Variants in MYL4 observed in about 807,000 individuals in gnomAD.
The protein encoded by MYL4 is atrial myosin light chain 1.
Under a neutral mutation model 21.6 loss-of-function variants are expected in MYL4, and 16 were observed. The observed-to-expected ratio is 0.74, with a 90% CI of 0.50 to 1.12. The LOEUF (loss-of-function observed/expected upper bound fraction) is 1.12. MYL4 is among the 50% of genes most tolerant of loss of function. MYL4 has a pLI of 0.00. For synonymous variants in MYL4, 82 were observed against 95.7 expected (o/e 0.86, Z 0.83); for missense variants, 249 against 252.9 (o/e 0.98, Z 0.11).
At chr17:47,220,758 T>C (rs1012209473) in intron 3 of MYL4, among the ~76,000 whole-genome samples, 1 of 152,210 alleles carries the variant, frequency 6.6e-6, no homozygotes, top group East Asian at 1.9e-4. Context: ...TGTTTGTGAA[T>C]GTTGTCTGTC....
upstream of MYL4, among the ~76,000 whole-genome samples, chr17:47,207,123 G>C (rs73327187): frequency 6.6e-6 from 1 of 152,122 alleles, no homozygotes; most frequent in Admixed American, 6.5e-5. Context: ...CAGAGCAAAG[G>C]AGCCACCATC....
At chr17:47,226,783 T>C (rs887414844), downstream of MYL4, among the ~76,000 whole-genome samples, 21 of 152,214 alleles carry the variant, frequency 1.4e-4, no homozygotes, top group African/African-American at 5.1e-4. Flanking sequence ...CCTCTACACA[T>C]GGTCTAAGAT....
chr17:47,218,644 G>A (rs1266026755), intron 2 of MYL4, among the ~76,000 whole-genome samples: 2 of 152,108 alleles, frequency 1.3e-5, no homozygotes, highest in Non-Finnish European at 2.9e-5. Flanking sequence ...AATTAGCCAG[G>A]TGTCGTGGTG....
chr17:47,195,625 A>C (rs1008980791), upstream of MYL4, among the ~76,000 whole-genome samples: 4 of 152,094 alleles, frequency 2.6e-5, no homozygotes, highest in East Asian at 7.7e-4. Flanking sequence ...TCCCAAAATC[A>C]CCCACTCTCT....
At chr17:47,227,260 C>A (rs572491383), downstream of MYL4, among the ~76,000 whole-genome samples, 2 of 152,372 alleles carry the variant, frequency 1.3e-5, no homozygotes, top group African/African-American at 4.8e-5. Flanking sequence ...AGACTCTTGT[C>A]CTCCTAGTCA....
At chr17:47,205,383 G>A (rs964676656), upstream of MYL4, among the ~76,000 whole-genome samples, 8 of 151,016 alleles carry the variant, frequency 5.3e-5, no homozygotes, top group Non-Finnish European at 7.4e-5. Flanking sequence ...GCAAGTCTGT[G>A]TCATAGGCCC....
chr17:47,220,699 C>G (rs1477622071), intron 3 of MYL4, among the ~76,000 whole-genome samples: 1 of 152,054 alleles, frequency 6.6e-6, no homozygotes, highest in African/African-American at 2.4e-5. Context: ...TGAGCTGTGC[C>G]TCTGTCAATC....
upstream of MYL4, among the ~76,000 whole-genome samples, chr17:47,204,492 T>C (rs2064720091): frequency 6.6e-6 from 1 of 152,216 alleles, no homozygotes; most frequent in South Asian, 2.1e-4. Flanking sequence ...ATGTGCCACC[T>C]GTATTAACTC....
At chr17:47,211,171 A>AC (rs2064771951) in intron 1 of MYL4, among the ~76,000 whole-genome samples, 1 of 152,122 alleles carries the variant, frequency 6.6e-6, no homozygotes, top group Non-Finnish European at 1.5e-5. Flanking sequence ...TAGAAAAAAA[A>AC]TAGGTATCTT....
chr17:47,207,546 T>C (rs2149039841), upstream of MYL4, among the ~76,000 whole-genome samples: 1 of 152,258 alleles, frequency 6.6e-6, no homozygotes, highest in South Asian at 2.1e-4. Flanking sequence ...ATTGCAGGCT[T>C]AGGAGCTAAC....
At chr17:47,226,178 T>A (rs1188295629), downstream of MYL4, among the ~76,000 whole-genome samples, 2 of 152,188 alleles carry the variant, frequency 1.3e-5, no homozygotes, top group African/African-American at 4.8e-5. Context: ...CACATAAGTA[T>A]CCAGGGATAA....
At chr17:47,196,862 TTATAAAA>T (rs1454869091), upstream of MYL4, among the ~76,000 whole-genome samples, 9 of 152,118 alleles carry the variant, frequency 5.9e-5, no homozygotes, top group Non-Finnish European at 1.5e-5. Flanking sequence ...TGCACAAATA[TTATAAAA>T]TATATAAATA....
downstream of MYL4, among the ~76,000 whole-genome samples, chr17:47,224,432 G>A (rs949197921): frequency 5.9e-5 from 9 of 152,184 alleles, no homozygotes; most frequent in East Asian, 3.8e-4. Flanking sequence ...AATTCAAGAT[G>A]AGATTTGAGT....
At chr17:47,206,452 G>A (rs866349173), upstream of MYL4, among the ~76,000 whole-genome samples, 6 of 152,144 alleles carry the variant, frequency 3.9e-5, no homozygotes, top group Admixed American at 1.3e-4. Context: ...TTGTGTGTGC[G>A]TGTGTGTTTT....
At chr17:47,189,975 GA>G in the MYL4 span, among the ~76,000 whole-genome samples, 6 of 151,738 alleles carry the variant, frequency 4.0e-5, no homozygotes, top group Admixed American at 6.6e-5. Flanking sequence ...TCTATGGAAG[GA>G]AAAAAAAGTT....
chr17:47,207,817 C>G (rs1187911601), upstream of MYL4, among the ~76,000 whole-genome samples: 1 of 152,066 alleles, frequency 6.6e-6, no homozygotes, highest in African/African-American at 2.4e-5. Context: ...TCCATTAATA[C>G]AGGAAGTGAA....
At chr17:47,208,306 C>T (rs891696186), upstream of MYL4, among the ~76,000 whole-genome samples, 1 of 152,080 alleles carries the variant, frequency 6.6e-6, no homozygotes, top group East Asian at 1.9e-4. Context: ...TGCTGGTGTG[C>T]ACCTGTAGTC....
intron 2 of MYL4, among the ~76,000 whole-genome samples, chr17:47,219,573 A>G (rs970300305): frequency 6.6e-6 from 1 of 151,864 alleles, no homozygotes; most frequent in Non-Finnish European, 1.5e-5. Context: ...CAGTGGTGCG[A>G]TCTTGGCTGA....
In MYL4 at chr17:47,209,348, A is replaced by G. The variant is rs1162182826; in HGVS notation, c.-75A>G. 1.2e-6 allele frequency: 2 copies of G among 1,601,564 alleles called. No individual in the cohort carries two copies. The highest frequency in any genetic ancestry group is 1.7e-4 in the Middle Eastern group (1 of 5,888). On this transcript the variant is annotated 5_prime_UTR_variant, in exon 1 of 7. Coordinates refer to ENST00000393450, the MANE Select transcript of MYL4 (RefSeq NM_002476.2). ...GGGAAGGGAGGCAGCCCAGGCTCCT[A>G]TCTCATCTCCCAGACGCCACGTCTC...
Sources: allele counts gnomAD v4.1 joint callset (sites outside exome capture counted in the v4.1 genomes callset), GRCh38; gene constraint gnomAD v4.1.1; transcripts MANE v1.5; gene names NCBI Gene and HGNC (gene_info 2026-07-23, HGNC 2026-07-21).